The following PLXNB2 variants were observed in gnomAD, a reference collection of about 807,000 sequenced individuals.
PLXNB2 encodes plexin-B2.
A neutral mutation model predicts 202.6 loss-of-function variants in PLXNB2; 85 were observed. The ratio of observed to expected loss-of-function variants is 0.42; its 90% CI spans 0.35 to 0.50. The LOEUF (loss-of-function observed/expected upper bound fraction) is 0.50. PLXNB2 is among the 20% of genes least tolerant of loss of function. The pLI is 0.02. For synonymous variants in PLXNB2, 1,239 were observed against 1,137.6 expected, an observed-to-expected ratio of 1.09 and a Z score of -1.79; for missense variants, 2,063 against 2,586.2, an observed-to-expected ratio of 0.80 and a Z score of 4.39.
chr22:50,303,675 C>G (rs1486854911), intron 1 of PLXNB2, among the ~76,000 whole-genome samples: 2 of 152,234 alleles, frequency 1.3e-5, no homozygotes, highest in African/African-American at 4.8e-5. Flanking sequence ...GAAATCGGTG[C>G]TGGACACTGT....
intron 1 of PLXNB2, among the ~76,000 whole-genome samples, chr22:50,295,467 GGTTTACA>G: frequency 6.6e-6 from 1 of 152,246 alleles, no homozygotes; most frequent in South Asian, 2.1e-4. Flanking sequence ...TACCCCCAGA[GGTTTACA>G]AGGACTAAAT....
At position 50,284,330 on chromosome 22, in the gene PLXNB2, G is replaced by A; in HGVS notation, c.2182-117C>T. 1 of 1,002,560 alleles carries A rather than the reference G, an allele frequency of 1.0e-6. No individual in the cohort carries two copies. The highest frequency in any genetic ancestry group is 1.6e-5 in the African/African-American group (1 of 63,566). The allele number at this position is 1,002,560 out of a possible 1,614,324, so 62.1% of individuals were successfully genotyped here. On this transcript the variant is annotated intron_variant, in intron 12 of 36. Coordinates refer to ENST00000359337, the MANE Select transcript of PLXNB2 (RefSeq NM_012401.4). The surrounding 1 kb of genome is among the most constrained non-coding windows in gnomAD (Gnocchi z 8.0). Reference sequence around the variant, plus strand: ...GTCCCTTCCCAGCCAAGGGCAGCAGGGGAGGCCTTCAGGTGTCGGAAGTTC... The same window carrying A: ...GTCCCTTCCCAGCCAAGGGCAGCAGAGGAGGCCTTCAGGTGTCGGAAGTTC...
In PLXNB2 at chr22:50,283,396, C is replaced by T. The variant is rs372327269; in HGVS notation, c.2620G>A (p.Glu874Lys). The T allele has an allele frequency of 2.2e-5, 35 of 1,613,114 alleles. No individual in the cohort carries two copies. The highest frequency in any genetic ancestry group is 2.5e-5 in the Non-Finnish European group (30 of 1,179,946). Reference protein sequence around the residue: ...AAETPFTGGVEVDVFGKLGRS... With the variant: ...AAETPFTGGVKVDVFGKLGRS... ...CCCAGTTTCCCGAAGACGTCCACCTCGACACCCCCCGTGAAAGGCGTCTCC... is the reference window on the plus strand; with the variant it reads ...CCCAGTTTCCCGAAGACGTCCACCTTGACACCCCCCGTGAAAGGCGTCTCC... Residue 874 changes from glutamate (E) to lysine (K), a missense_variant, in exon 16 of 37, where the codon GAG becomes AAG. Coordinates refer to ENST00000359337, the MANE Select transcript of PLXNB2 (RefSeq NM_012401.4).
chr22:50,278,263 G>A lies in PLXNB2; in HGVS notation c.4741C>T (p.Leu1581Phe). 1 of 1,610,952 alleles carries A rather than the reference G, an allele frequency of 6.2e-7. No homozygotes were observed. The highest frequency in any genetic ancestry group is 8.5e-7 in the Non-Finnish European group (1 of 1,179,880). Reference protein sequence around the residue: ...QQDLPGERHALLEEENRVWHL... With the variant: ...QQDLPGERHAFLEEENRVWHL... ...CACACCCGGTTCTCCTCCTCCAGGA[G>A]GGCATGGCCTGTGGGGAGCGGGCAC... The change falls in exon 31 of 37, where the codon CTC becomes TTC. Residue 1581 changes from leucine (L) to phenylalanine (F), a missense_variant. Leu to Phe is a conservative substitution (Grantham distance 22). Transcript: ENST00000359337.
At position 50,287,092 on chromosome 22, in the gene PLXNB2, G is replaced by A. The variant is rs1329967666; in HGVS notation, c.1762+19C>T. On this transcript the variant is annotated intron_variant, in intron 8 of 36. Coordinates refer to ENST00000359337, the MANE Select transcript of PLXNB2 (RefSeq NM_012401.4). ...TGCGACCGAGAAGGGCCACCCGGGG[G>A]CTCGGGAAGGGGCCTCACCCTGGCC... 4 of 1,485,696 alleles carry A rather than the reference G, an allele frequency of 2.7e-6. No individual in the cohort carries two copies. Among genetic ancestry groups the A allele is most frequent in the Admixed American group, 2.3e-5 (1 of 42,902 alleles). 92.0% of individuals were successfully genotyped at this position (1,485,696 alleles called of 1,614,324 possible). A position where few individuals can be genotyped will look rare whatever the true frequency, so the allele number is the denominator to read the frequency against.
At chr22:50,286,668 C>T (rs1217848034) in intron 8 of PLXNB2, among the ~76,000 whole-genome samples, 5 of 152,186 alleles carry the variant, frequency 3.3e-5, no homozygotes, top group Non-Finnish European at 5.9e-5. Flanking sequence ...CACGTCACTG[C>T]GTGGCCCCAC....
chr22:50,276,583 G>A (rs752253503), intron 35 of PLXNB2, 46 bp downstream of exon 35: 4 of 1,471,338 alleles, frequency 2.7e-6, no homozygotes, highest in Non-Finnish European at 3.8e-6. Context: ...GCATGGGGTA[G>A]TGGGAGCGGG....
rs1187209989 is a variant in PLXNB2 at position 50,275,327 on chromosome 22, A to C, written c.*377T>G. On this transcript the variant is annotated 3_prime_UTR_variant, in exon 37 of 37. Transcript: ENST00000359337. ...CTTGCCCTGGGGGCCACAGGCCCTC[A>C]GATCCCCCAGGGGCCCAACCTAGGG... The C allele has an allele frequency of 2.2e-6, 1 of 449,934 alleles. No homozygotes were observed. Among genetic ancestry groups the C allele is most frequent in the African/African-American group, 2.0e-5 (1 of 49,680 alleles). The allele number at this position is 449,934 out of a possible 1,614,324, so 27.9% of individuals were successfully genotyped here. A position where few individuals can be genotyped will look rare whatever the true frequency, so the allele number is the denominator to read the frequency against.
At chr22:50,287,327 G>T in intron 7 of PLXNB2, 63 bp from the exon 8 acceptor site, 1 of 1,442,298 alleles carries the variant, frequency 6.9e-7, no homozygotes, top group South Asian at 1.5e-5. Context: ...ACCTGCCGGT[G>T]ACCCGACCTC....
At position 50,290,263 on chromosome 22, in the gene PLXNB2, G is replaced by A. The variant is rs2066770846; in HGVS notation, c.322C>T (p.Arg108Cys). 3.1e-6 allele frequency: 5 copies of A among 1,611,704 alleles called. No individual in the cohort carries two copies. The highest frequency in any genetic ancestry group is 4.2e-6 in the Non-Finnish European group (5 of 1,180,022). The change falls in exon 3 of 37, where the codon CGC becomes TGC. Residue 108 changes from arginine (R) to cysteine (C), a missense_variant. Arg to Cys is a radical substitution (Grantham distance 180). Transcript: ENST00000359337. ...AAGAGGCTGCCGCACTCCACCAGGCGCTTCCTGGGAGGGTCGAGCAGCAGC... is the reference window on the plus strand; with the variant it reads ...AAGAGGCTGCCGCACTCCACCAGGCACTTCCTGGGAGGGTCGAGCAGCAGC... ...QLLLLDPPRKRLVECGSLFKG... is the reference protein window; with the variant it reads ...QLLLLDPPRKCLVECGSLFKG...
rs1239617439 is a variant in PLXNB2, at chr22:50,276,169, T to C, written c.5338-206A>G. On this transcript the variant is annotated intron_variant, in intron 35 of 36. Coordinates refer to ENST00000359337, the MANE Select transcript of PLXNB2 (RefSeq NM_012401.4). ...TTGTGCACATCCAACCATCTCAGTG[T>C]CTCCCTGTGTGACGCACGGCTGTGG... Among the ~76,000 whole-genome samples, 7 of 151,402 alleles carry C rather than the reference T, an allele frequency of 4.6e-5. No individual in the cohort carries two copies. The East Asian group carries it at 9.7e-4, about 21-fold the overall frequency.
chr22:50,302,865 G>A (rs568632125), intron 1 of PLXNB2, among the ~76,000 whole-genome samples: 1 of 152,298 alleles, frequency 6.6e-6, no homozygotes, highest in African/African-American at 2.4e-5. Context: ...CTGGGCACAG[G>A]GCCTGGGCTC....
rs765386001 is a variant in PLXNB2 at position 50,280,107 on chromosome 22, C to T, written c.4176-36G>A. On this transcript the variant is annotated intron_variant, in intron 25 of 36. Coordinates refer to ENST00000359337, the MANE Select transcript of PLXNB2 (RefSeq NM_012401.4). ...AGGGAGGCCTTGTACCGAGTGACCCCGTAGTATTCCTGAGGCCCAACTGAC... is the reference window on the plus strand; with the variant it reads ...AGGGAGGCCTTGTACCGAGTGACCCTGTAGTATTCCTGAGGCCCAACTGAC... The T allele has an allele frequency of 6.6e-6, 10 of 1,521,540 alleles. No individual in the cohort carries two copies. In the East Asian group the frequency reaches 6.8e-5, roughly 10 times the overall value. The allele number at this position is 1,521,540 out of a possible 1,614,324, so 94.3% of individuals were successfully genotyped here.
Position 50,280,492 on chromosome 22 carries a change from C to A in PLXNB2, c.4172G>T (p.Arg1391Leu). The change falls in exon 25 of 37, where the codon CGC (arginine) becomes CTC (leucine). Residue 1391 changes from arginine to leucine, a missense_variant. Arg to Leu is a moderately radical substitution (Grantham distance 102, BLOSUM62 -2). Coordinates refer to ENST00000359337, the MANE Select transcript of PLXNB2 (RefSeq NM_012401.4). ...TCGTGGCCCCGCCCATGTGCACCTG[C>A]GCAGCATCAGCTTGGGGTTCTTGGC... is the stretch of plus-strand genomic sequence containing the variant. ...VVAKNPKLMLRRSETVVERML... is the reference protein window; with the variant it reads ...VVAKNPKLMLLRSETVVERML... 6.2e-7 allele frequency: 1 copy of A among 1,605,914 alleles called. No homozygotes were observed.
Position 50,275,067 on chromosome 22 carries a change from C to G in PLXNB2, c.*637G>C, listed in dbSNP as rs73891204. ...GTCTTGGAACTGCTCCCAGTCCCCCCGGACTGGGTGGGGCTCTAGGGCAGC... is the reference window on the plus strand; with the variant it reads ...GTCTTGGAACTGCTCCCAGTCCCCCGGGACTGGGTGGGGCTCTAGGGCAGC... On this transcript the variant is annotated 3_prime_UTR_variant, in exon 37 of 37. Coordinates refer to ENST00000359337, the MANE Select transcript of PLXNB2 (RefSeq NM_012401.4). 3.1e-5 allele frequency: 6 copies of G among 196,462 alleles called. No homozygotes were observed. In the Admixed American group the frequency reaches 3.4e-4, roughly 11 times the overall value. 12.2% of individuals were successfully genotyped at this position (196,462 alleles called of 1,614,324 possible).
chr22:50,307,434 C>T (rs1302864201), intron 1 of PLXNB2, 119 bp downstream of exon 1: 6 of 490,616 alleles, frequency 1.2e-5, no homozygotes, highest in Non-Finnish European at 1.6e-5. Flanking sequence ...CGCGGAGCCG[C>T]AGCCGCCGCA....
At chr22:50,286,686 A>G (rs1193197695) in intron 8 of PLXNB2, among the ~76,000 whole-genome samples, 1 of 152,142 alleles carries the variant, frequency 6.6e-6, no homozygotes, top group East Asian at 1.9e-4. Flanking sequence ...CACTGCCCCC[A>G]AAACTCAGGG....
Position 50,280,085 on chromosome 22 carries a change from G to A in PLXNB2, c.4176-14C>T, listed in dbSNP as rs1172835307. On this transcript the variant is annotated splice_polypyrimidine_tract_variant and intron_variant, in intron 25 of 36. Coordinates refer to ENST00000359337, the MANE Select transcript of PLXNB2 (RefSeq NM_012401.4). ...ACAGTCTCAGACCTGGGGGTGCAGG[G>A]AGGCCTTGTACCGAGTGACCCCGTA... 3 of 1,595,534 alleles carry A rather than the reference G, an allele frequency of 1.9e-6. No homozygotes were observed. Among genetic ancestry groups the A allele is most frequent in the Non-Finnish European group, 2.6e-6 (3 of 1,171,174 alleles).
In PLXNB2 at chr22:50,290,302, T is replaced by C; in HGVS notation, c.283A>G (p.Asn95Asp). Residue 95 changes from asparagine to aspartate, a missense_variant, in exon 3 of 37, where the codon AAT (asparagine) becomes GAT (aspartate). Physicochemically the swap from Asn to Asp is conservative, Grantham distance 23. Coordinates refer to ENST00000359337, the MANE Select transcript of PLXNB2 (RefSeq NM_012401.4). ...TCGAGCAGCAGCAGCTGGTTGACATTGTCAGTCATCTCAGCCTCATGGCAC... is the reference window on the plus strand; with the variant it reads ...TCGAGCAGCAGCAGCTGGTTGACATCGTCAGTCATCTCAGCCTCATGGCAC... ...SQCHEAEMTD[N>D]VNQLLLLDPP... 10 of 1,612,052 alleles carry C rather than the reference T, an allele frequency of 6.2e-6. No individual in the cohort carries two copies. The highest frequency in any genetic ancestry group is 8.5e-6 in the Non-Finnish European group (10 of 1,180,010).
Sources: allele counts gnomAD v4.1 joint callset (sites outside exome capture counted in the v4.1 genomes callset), GRCh38; gene constraint gnomAD v4.1.1; non-coding constraint Gnocchi (gnomAD v3.1); transcripts MANE v1.5; gene names NCBI Gene and HGNC (gene_info 2026-07-23, HGNC 2026-07-21).